The following ANXA11 variants were observed in gnomAD, a reference collection of about 807,000 sequenced individuals.
ANXA11 encodes 56 kDa autoantigen.
Under a neutral mutation model 64.7 loss-of-function variants are expected in ANXA11, and 57 were observed. The observed-to-expected ratio is 0.88, with a 90% CI of 0.71 to 1.10. The LOEUF is 1.10. ANXA11 is among the 50% of genes least tolerant of loss of function. The pLI is 0.00. For synonymous variants in ANXA11, 260 were observed against 265.2 expected (o/e 0.98, Z 0.19); for missense variants, 675 against 670.7 (o/e 1.01, Z -0.07).
intron 1 of ANXA11, among the ~76,000 whole-genome samples, chr10:80,192,001 G>C (rs1380564871): frequency 6.6e-6 from 1 of 152,202 alleles, no homozygotes; most frequent in African/African-American, 2.4e-5. Flanking sequence ...TCCCAGGCTA[G>C]AGCTCATCGT....
chr10:80,157,636 C>T lies in ANXA11; in HGVS notation c.1458+5G>A, dbSNP rs748134350. 3.8e-5 allele frequency: 62 copies of T among 1,612,116 alleles called. No homozygotes were observed. The South Asian group carries it at 5.2e-4, about 13-fold the overall frequency. On this transcript the variant is annotated splice_donor_5th_base_variant and intron_variant, in intron 15 of 15. Transcript: ENST00000422982. Reference sequence around the variant, plus strand: ...GAGCCCAGTTGGCCTGCAGCAGGCCCGTACCGAGATGTCGTGGTACAGCGA... The same window carrying T: ...GAGCCCAGTTGGCCTGCAGCAGGCCTGTACCGAGATGTCGTGGTACAGCGA...
chr10:80,171,995 G>A (rs1217400074), intron 3 of ANXA11: 1 of 867,728 alleles, frequency 1.2e-6, no homozygotes, highest in Non-Finnish European at 1.4e-6. Context: ...GAATGGGAGG[G>A]AAGGTAAATG....
intron 12 of ANXA11, among the ~76,000 whole-genome samples, chr10:80,161,518 G>A (rs1166249512): frequency 6.6e-6 from 1 of 152,198 alleles, no homozygotes; most frequent in East Asian, 1.9e-4. Flanking sequence ...CCCCACCGTG[G>A]CCCCACACCT....
chr10:80,170,780 A>G lies in ANXA11; in HGVS notation c.171+20T>C. On this transcript the variant is annotated intron_variant, in intron 4 of 15. Coordinates refer to ENST00000422982, the MANE Select transcript of ANXA11 (RefSeq NM_145868.2). ...GCAGGTGTGGCCCCAGGGCTGCCTC[A>G]GCAGGAGAGCTGGACTCACCATTCC... The G allele has an allele frequency of 1.4e-6, 2 of 1,454,192 alleles. No individual in the cohort carries two copies. The highest frequency in any genetic ancestry group is 1.8e-6 in the Non-Finnish European group (2 of 1,101,848). The allele number at this position is 1,454,192 out of a possible 1,614,324, so 90.1% of individuals were successfully genotyped here.
At position 80,183,186 on chromosome 10, in the gene ANXA11, G is replaced by C. The variant is rs966969056; in HGVS notation, c.-57-7031C>G. Reference sequence around the variant, plus strand: ...CAGGAGAGAGGGAGGCACCAGGCTAGAGCAAGGTGCAGACAAGGGCCTGGA... The same window carrying C: ...CAGGAGAGAGGGAGGCACCAGGCTACAGCAAGGTGCAGACAAGGGCCTGGA... On this transcript the variant is annotated intron_variant, in intron 1 of 15. Transcript: ENST00000422982. Among the ~76,000 whole-genome samples, 8 of 152,212 alleles carry C rather than the reference G, an allele frequency of 5.3e-5. No individual in the cohort carries two copies. The South Asian group carries it at 6.2e-4, about 12-fold the overall frequency.
rs143332492 is a variant in ANXA11 at position 80,155,818 on chromosome 10, C to T, written c.*35G>A. The T allele has an allele frequency of 1.7e-5, 28 of 1,604,160 alleles. No homozygotes were observed. The East Asian group carries it at 2.0e-4, about 12-fold the overall frequency. ...GGCCTTTTCCTGGCACTGGTGTTGC[C>T]GGCAGGTGGGCAGAAGTGAGCCACC... On this transcript the variant is annotated 3_prime_UTR_variant, in exon 16 of 16. Coordinates refer to ENST00000422982, the MANE Select transcript of ANXA11 (RefSeq NM_145868.2).
rs1044145197 is a variant in ANXA11 at position 80,182,640 on chromosome 10, A to T, written c.-57-6485T>A. Among the ~76,000 whole-genome samples, 3 of 152,100 alleles carry T rather than the reference A, an allele frequency of 2.0e-5. No homozygotes were observed. The South Asian group carries it at 6.2e-4, about 31-fold the overall frequency. ...TGCTGCACCTATCAACCTGTTACCTAGGTTTTGAACCCCGCATGCATTAGG... is the reference window on the plus strand; with the variant it reads ...TGCTGCACCTATCAACCTGTTACCTTGGTTTTGAACCCCGCATGCATTAGG... On this transcript the variant is annotated intron_variant, in intron 1 of 15. Transcript: ENST00000422982.
chr10:80,178,435 C>A (rs1846248069), intron 1 of ANXA11, among the ~76,000 whole-genome samples: 2 of 152,214 alleles, frequency 1.3e-5, no homozygotes, highest in Non-Finnish European at 2.9e-5. Context: ...AGGCAGCTGG[C>A]CTCCTTAAGG....
intron 5 of ANXA11, among the ~76,000 whole-genome samples, chr10:80,168,391 C>T (rs1026084435): frequency 1.3e-5 from 2 of 152,272 alleles, no homozygotes; most frequent in Middle Eastern, 3.4e-3. Flanking sequence ...GAGTACTCGC[C>T]AGGGGTGTTC....
intron 1 of ANXA11, among the ~76,000 whole-genome samples, chr10:80,190,867 G>C (rs1241152723): frequency 6.6e-6 from 1 of 151,666 alleles, no homozygotes; most frequent in African/African-American, 2.4e-5. Context: ...AAGGTGGGCG[G>C]ACTGCATGAG....
chr10:80,157,534 C>T (rs968143559), intron 15 of ANXA11, 107 bp downstream of exon 15: 7 of 1,515,162 alleles, frequency 4.6e-6, no homozygotes, highest in African/African-American at 2.8e-5. Context: ...AATCAAGATG[C>T]CCACACACAG....
At chr10:80,201,161 C>T (rs1840402630) in intron 1 of ANXA11, among the ~76,000 whole-genome samples, 1 of 152,186 alleles carries the variant, frequency 6.6e-6, no homozygotes. Context: ...CTGCTCACAT[C>T]ATCCCACCAA....
At chr10:80,190,044 T>C (rs1190347362) in intron 1 of ANXA11, among the ~76,000 whole-genome samples, 2 of 152,254 alleles carry the variant, frequency 1.3e-5, no homozygotes, top group Admixed American at 1.3e-4. Flanking sequence ...ATTCCACCTA[T>C]ATGAAGTCTC....
At chr10:80,199,349 G>C (rs1357965344) in intron 1 of ANXA11, among the ~76,000 whole-genome samples, 1 of 151,998 alleles carries the variant, frequency 6.6e-6, no homozygotes, top group Non-Finnish European at 1.5e-5. Context: ...TGCCCGCCTC[G>C]GCCTCCTAAA....
chr10:80,184,937 G>C (rs1056395054), intron 1 of ANXA11, among the ~76,000 whole-genome samples: 1 of 152,272 alleles, frequency 6.6e-6, no homozygotes, highest in Middle Eastern at 3.4e-3. Context: ...GGAGTTCTGG[G>C]GACTGGCCTC....
Position 80,155,764 on chromosome 10 carries a change from G to T in ANXA11, c.*89C>A. 1 of 1,279,406 alleles carries T rather than the reference G, an allele frequency of 7.8e-7. No homozygotes were observed. Among genetic ancestry groups the T allele is most frequent in the Non-Finnish European group, 1.1e-6 (1 of 878,768 alleles). 79.3% of individuals were successfully genotyped at this position (1,279,406 alleles called of 1,614,324 possible). On this transcript the variant is annotated 3_prime_UTR_variant, in exon 16 of 16. Coordinates refer to ENST00000422982, the MANE Select transcript of ANXA11 (RefSeq NM_145868.2). Reference sequence around the variant, plus strand: ...AGGACGGTGAATCTCGGGGCTATTTGTGGATTTGTTAGAAACAGACATTCT... The same window carrying T: ...AGGACGGTGAATCTCGGGGCTATTTTTGGATTTGTTAGAAACAGACATTCT...
At chr10:80,201,686 C>T (rs1218792035) in intron 1 of ANXA11, among the ~76,000 whole-genome samples, 1 of 152,174 alleles carries the variant, frequency 6.6e-6, no homozygotes, top group East Asian at 1.9e-4. Flanking sequence ...AGGAACATGC[C>T]TTGTCACCTA....
At chr10:80,199,385 C>A (rs190675557) in intron 1 of ANXA11, among the ~76,000 whole-genome samples, 1 of 152,210 alleles carries the variant, frequency 6.6e-6, no homozygotes, top group East Asian at 1.9e-4. Flanking sequence ...GCGTGAGCTA[C>A]CGCGCCCAGC....
intron 1 of ANXA11, 147 bp from the exon 2 acceptor site, chr10:80,176,302 T>C (rs751928522): frequency 2.0e-5 from 3 of 152,198 alleles, no homozygotes; most frequent in Non-Finnish European, 2.9e-5. Context: ...GCCAGCTCTG[T>C]ATATGGAAAG....
Sources: allele counts gnomAD v4.1 joint callset (sites outside exome capture counted in the v4.1 genomes callset), GRCh38; gene constraint gnomAD v4.1.1; transcripts MANE v1.5; gene names NCBI Gene and HGNC (gene_info 2026-07-23, HGNC 2026-07-21).